Variants in NLGN1 observed in about 807,000 individuals in gnomAD.
NLGN1 encodes neuroligin-1.
Under a neutral mutation model 65.5 loss-of-function variants are expected in NLGN1, and 12 were observed. That is an observed-to-expected ratio of 0.18 (90% CI 0.12 to 0.30). The LOEUF is 0.30. NLGN1 is among the 10% of genes least tolerant of loss of function. NLGN1 has a pLI of 1.00. For missense variants in NLGN1, 750 were observed against 1,007.1 expected (o/e 0.74, Z 3.46); for synonymous variants, 350 against 359.5 (o/e 0.97, Z 0.30).
At chr3:173,919,179 G>A (rs1430256063) in intron 4 of NLGN1, among the ~76,000 whole-genome samples, 2 of 151,948 alleles carry the variant, frequency 1.3e-5, no homozygotes, top group Non-Finnish European at 1.5e-5. Flanking sequence ...TCTGACAAAT[G>A]TATTTGTAAC....
intron 2 of NLGN1, among the ~76,000 whole-genome samples, chr3:173,521,609 A>T (rs902080495): frequency 1.3e-5 from 2 of 152,182 alleles, no homozygotes; most frequent in Admixed American, 1.3e-4. Context: ...ATCTGCTCCC[A>T]TAGAAAGTTT....
chr3:174,099,327 T>C (rs1156934166), intron 4 of NLGN1, among the ~76,000 whole-genome samples: 2 of 152,188 alleles, frequency 1.3e-5, no homozygotes, highest in East Asian at 1.9e-4. Flanking sequence ...TTTTTAAAAT[T>C]GCAATATTAT....
chr3:173,750,859 G>T (rs1392205222), intron 3 of NLGN1, among the ~76,000 whole-genome samples: 1 of 152,050 alleles, frequency 6.6e-6, no homozygotes, highest in Non-Finnish European at 1.5e-5. Flanking sequence ...AGCCGAAAAA[G>T]TTCTTTGTAA....
intron 1 of NLGN1, among the ~76,000 whole-genome samples, chr3:173,430,206 C>T (rs918060541): frequency 6.6e-6 from 1 of 152,126 alleles, no homozygotes. Context: ...TTTTGTTTCT[C>T]TTACCTCTTG....
intron 3 of NLGN1, among the ~76,000 whole-genome samples, chr3:173,639,923 C>T (rs1757142124): frequency 6.6e-6 from 1 of 151,650 alleles, no homozygotes; most frequent in South Asian, 2.1e-4. Flanking sequence ...CTTTCATCTC[C>T]TTCCCTCTCT....
intron 3 of NLGN1, among the ~76,000 whole-genome samples, chr3:173,735,111 T>C (rs901955886): frequency 2.0e-5 from 3 of 152,126 alleles, no homozygotes; most frequent in Non-Finnish European, 4.4e-5. Flanking sequence ...ATGAGCTCTA[T>C]TAATTTGCAT....
At chr3:174,250,349 T>C (rs1327675151) in intron 4 of NLGN1, among the ~76,000 whole-genome samples, 1 of 152,226 alleles carries the variant, frequency 6.6e-6, no homozygotes, top group African/African-American at 2.4e-5. Context: ...ATATAATTAG[T>C]TCATATTCTG....
intron 4 of NLGN1, among the ~76,000 whole-genome samples, chr3:174,266,530 T>G (rs1036612188): frequency 3.9e-5 from 6 of 152,306 alleles, no homozygotes; most frequent in African/African-American, 1.4e-4. Context: ...CATGTGTATG[T>G]GTCTTCATGG....
At chr3:173,831,072 A>G (rs1285811740) in intron 4 of NLGN1, among the ~76,000 whole-genome samples, 1 of 152,116 alleles carries the variant, frequency 6.6e-6, no homozygotes. Flanking sequence ...TTTTCACTTA[A>G]CATCATGGTC....
intron 3 of NLGN1, among the ~76,000 whole-genome samples, chr3:173,781,758 G>A (rs1472048623): frequency 6.6e-6 from 1 of 152,188 alleles, no homozygotes; most frequent in Non-Finnish European, 1.5e-5. Flanking sequence ...ATACGAGGTG[G>A]TCAGAAGAAT....
intron 4 of NLGN1, among the ~76,000 whole-genome samples, chr3:174,202,424 T>A (rs1734660166): frequency 6.6e-6 from 1 of 151,992 alleles, no homozygotes; most frequent in Non-Finnish European, 1.5e-5. Flanking sequence ...GCATGTCTAC[T>A]TTATTCCTGA....
chr3:173,445,679 T>A lies in NLGN1; in HGVS notation c.-321+10601T>A, dbSNP rs149924021. 7.2e-5 allele frequency among the ~76,000 whole-genome samples: 11 copies of A among 152,358 alleles called. No homozygotes were observed. In the East Asian group the frequency reaches 1.9e-3, roughly 27 times the overall value. On this transcript the variant is annotated intron_variant, in intron 2 of 6. Transcript: ENST00000457714. ...AAATGGCTTCAGATTGCTAAAACTT[T>A]GGAGCCATTGTGTTTTCTACATATC...
At chr3:173,795,719 C>T (rs1374089355) in intron 3 of NLGN1, among the ~76,000 whole-genome samples, 2 of 151,952 alleles carry the variant, frequency 1.3e-5, no homozygotes, top group Admixed American at 6.6e-5. Context: ...CATTGTTCTC[C>T]GGAATACACA....
intron 4 of NLGN1, among the ~76,000 whole-genome samples, chr3:174,059,053 G>T (rs138025978): frequency 6.6e-6 from 1 of 152,216 alleles, no homozygotes. Context: ...ACAGTTTCCC[G>T]TTGCTGTTTA....
chr3:173,677,589 A>G (rs1283682892), intron 3 of NLGN1, among the ~76,000 whole-genome samples: 1 of 152,128 alleles, frequency 6.6e-6, no homozygotes, highest in African/African-American at 2.4e-5. Context: ...AAAGACTACC[A>G]TATAGATTTG....
intron 4 of NLGN1, among the ~76,000 whole-genome samples, chr3:174,021,174 C>A (rs1231265030): frequency 6.6e-6 from 1 of 151,644 alleles, no homozygotes; most frequent in Non-Finnish European, 1.5e-5. Context: ...CAAGATTGTG[C>A]GGAAAGAGAA....
intron 2 of NLGN1, among the ~76,000 whole-genome samples, chr3:173,568,548 T>C (rs1422796692): frequency 1.3e-5 from 2 of 152,342 alleles, no homozygotes; most frequent in African/African-American, 4.8e-5. Context: ...ATAGATTTCT[T>C]AAACTTATTC....
At chr3:173,588,732 G>A (rs1747930693) in intron 2 of NLGN1, among the ~76,000 whole-genome samples, 1 of 152,194 alleles carries the variant, frequency 6.6e-6, no homozygotes. Context: ...AGATGTGTCA[G>A]CATGTTAGCT....
chr3:174,020,812 AC>A (rs998943139), intron 4 of NLGN1, among the ~76,000 whole-genome samples: 29 of 152,240 alleles, frequency 1.9e-4, no homozygotes, highest in African/African-American at 6.5e-4. Context: ...CAATTCGAAA[AC>A]AATACTAGCA....
Sources: allele counts gnomAD v4.1 joint callset (sites outside exome capture counted in the v4.1 genomes callset), GRCh38; gene constraint gnomAD v4.1.1; transcripts MANE v1.5; gene names NCBI Gene and HGNC (gene_info 2026-07-23, HGNC 2026-07-21).